MRO: variants seen among roughly 807,000 people sequenced by gnomAD.
The protein encoded by MRO is maestro.
A neutral mutation model predicts 31.0 loss-of-function variants in MRO; 28 were observed. The observed-to-expected ratio is 0.90, with a 90% CI of 0.67 to 1.24. The LOEUF (loss-of-function observed/expected upper bound fraction) is 1.24, where lower values mean the gene tolerates loss of function less well. MRO is among the 50% of genes most tolerant of loss of function. The pLI, the probability that MRO is intolerant of heterozygous loss-of-function variation, is 0.00. For missense variants in MRO, 332 were observed against 289.2 expected (o/e 1.15, Z -1.07); for synonymous variants, 108 against 108.4 (o/e 1.00, Z 0.02).
rs948094714 is a variant in MRO, at chr18:50,819,642, C to T, written c.-66G>A. The stretch of plus-strand genomic sequence containing the variant: ...GGAGCCCGTTCCTGACTCGGGAGGG[C>T]TGCTTTCCCGGGTAGTAGCCAAATG... On this transcript the variant is annotated 5_prime_UTR_variant, in exon 2 of 8. Transcript: ENST00000398439. 3 of 1,551,458 alleles carry T rather than the reference C, an allele frequency of 1.9e-6. No homozygotes were observed. The highest frequency in any genetic ancestry group is 2.6e-6 in the Non-Finnish European group (3 of 1,146,942).
chr18:50,823,497 G>A (rs1057431244), upstream of MRO: 1 of 152,122 alleles, frequency 6.6e-6, no homozygotes, highest in Non-Finnish European at 1.5e-5. Flanking sequence ...TTTGTTACTT[G>A]ATAGTTATTG....
chr18:50,798,766 C>G lies in MRO; in HGVS notation c.*571G>C, dbSNP rs2847538. ...TTTCTCTCTATTAATTCTTGTTTAG[C>G]ATGATCTTGAAAGCAATGACTGTTT... On this transcript the variant is annotated 3_prime_UTR_variant, in exon 8 of 8. Coordinates refer to ENST00000398439, the MANE Select transcript of MRO (RefSeq NM_031939.6). The G allele has an allele frequency of 0.99, 151,256 of 152,390 alleles. 75,072 individuals are homozygous for G. The highest frequency in any genetic ancestry group is 1 in the Middle Eastern group (294 of 294). 9.4% of individuals were successfully genotyped at this position (152,390 alleles called of 1,614,324 possible).
At chr18:50,819,740 G>A (rs1055243406) in intron 1 of MRO, 38 bp from the exon 2 acceptor site, 2 of 1,547,998 alleles carry the variant, frequency 1.3e-6, no homozygotes, top group Non-Finnish European at 1.7e-6. Flanking sequence ...GTGACGCAGG[G>A]TCTGTCCAGG....
intron 7 of MRO, 45 bp from the exon 8 acceptor site, chr18:50,799,435 A>G: frequency 1.9e-6 from 3 of 1,541,342 alleles, no homozygotes; most frequent in Non-Finnish European, 2.7e-6. Context: ...GGATTCAACA[A>G]ACTTCCTTGA....
rs1325724044 is a variant in MRO at position 50,795,892 on chromosome 18, A to G, written c.*3445T>C. 6.6e-6 allele frequency: 1 copy of G among 152,286 alleles called. No individual in the cohort carries two copies. Among genetic ancestry groups the G allele is most frequent in the African/African-American group, 2.4e-5 (1 of 41,430 alleles). 9.4% of individuals were successfully genotyped at this position (152,286 alleles called of 1,614,324 possible). A position where few individuals can be genotyped will look rare whatever the true frequency, so the allele number is the denominator to read the frequency against. On this transcript the variant is annotated 3_prime_UTR_variant, in exon 8 of 8. Transcript: ENST00000398439. ...GAGGTGGAGGTTGCAGTGAGCCGAG[A>G]TCGTGTCATTGCACTCCAGCCTGGG... is the stretch of plus-strand genomic sequence containing the variant.
rs375774066 is a variant in MRO at position 50,805,138 on chromosome 18, T to G, written c.429+16A>C. On this transcript the variant is annotated intron_variant, in intron 5 of 7. Coordinates refer to ENST00000398439, the MANE Select transcript of MRO (RefSeq NM_031939.6). ...ATTTTGATTTCAATAACCCAGAATT[T>G]TTCTGATTTACTTACGTCATCTAAT... The G allele has an allele frequency of 1.2e-5, 20 of 1,602,264 alleles. No individual in the cohort carries two copies. The African/African-American group carries it at 2.5e-4, about 20-fold the overall frequency.
In MRO at chr18:50,805,164, A is replaced by G. The variant is rs751997608; in HGVS notation, c.419T>C (p.Leu140Ser). Residue 140 changes from leucine to serine, a missense_variant, in exon 5 of 8, where the codon TTA becomes TCA. Physicochemically the swap from Leu to Ser is moderately radical, Grantham distance 145. Transcript: ENST00000398439. ...TTCTGATTTACTTACGTCATCTAAT[A>G]AAGTCCTGGTCTGAAGGGTGATATC... is the stretch of plus-strand genomic sequence containing the variant. ...FIDITLQTRT[L>S]LDDENDSLRY... 1.9e-5 allele frequency: 31 copies of G among 1,611,212 alleles called. No individual in the cohort carries two copies. Among genetic ancestry groups the G allele is most frequent in the Non-Finnish European group, 2.5e-5 (30 of 1,177,904 alleles).
At chr18:50,806,530 C>T (rs1039882140) in intron 4 of MRO, among the ~76,000 whole-genome samples, 174 bp downstream of exon 4, 1 of 152,146 alleles carries the variant, frequency 6.6e-6, no homozygotes, top group African/African-American at 2.4e-5. Flanking sequence ...TCCTGACCCG[C>T]GAAAACCCGA....
chr18:50,800,260 A>G, intron 6 of MRO, 117 bp from the exon 7 acceptor site: 1 of 663,794 alleles, frequency 1.5e-6, no homozygotes, highest in Non-Finnish European at 2.5e-6. Context: ...AAAGTGTGAA[A>G]GTAACTTCCA....
upstream of MRO, among the ~76,000 whole-genome samples, chr18:50,824,840 C>T (rs1375947759): frequency 3.3e-5 from 5 of 150,206 alleles, no homozygotes; most frequent in Admixed American, 2.0e-4. Flanking sequence ...TTTGGGAGGC[C>T]GAGACGGGAG....
chr18:50,810,571 T>C (rs1442723630), intron 2 of MRO, among the ~76,000 whole-genome samples: 1 of 152,224 alleles, frequency 6.6e-6, no homozygotes, highest in Non-Finnish European at 1.5e-5. Context: ...TTTTTCACCT[T>C]TTTTGTATAT....
At chr18:50,811,886 C>T (rs986363132) in intron 2 of MRO, among the ~76,000 whole-genome samples, 5 of 150,962 alleles carry the variant, frequency 3.3e-5, no homozygotes, top group East Asian at 2.0e-4. Context: ...GGATTACAGG[C>T]GTACGCCACC....
intron 2 of MRO, chr18:50,815,372 G>C: frequency 3.9e-6 from 1 of 258,632 alleles, no homozygotes; most frequent in Non-Finnish European, 7.9e-6. Context: ...GGTGGTGAAG[G>C]TGATGGTAGC....
chr18:50,821,313 C>T (rs1467762715), upstream of MRO, among the ~76,000 whole-genome samples: 1 of 152,172 alleles, frequency 6.6e-6, no homozygotes, highest in East Asian at 1.9e-4. Flanking sequence ...AGATGGCTGC[C>T]TCTGCCTGCA....
At chr18:50,824,699 C>G (rs1915443873), upstream of MRO, among the ~76,000 whole-genome samples, 1 of 149,814 alleles carries the variant, frequency 6.7e-6, no homozygotes, top group Non-Finnish European at 1.5e-5. Context: ...TGTGATCCGC[C>G]CACCTCGGCC....
rs1270008636 is a variant in MRO at position 50,819,572 on chromosome 18, G to A, written c.-5+9C>T. On this transcript the variant is annotated intron_variant, in intron 2 of 7. Transcript: ENST00000398439. ...GCATCTGGCTGCCCCGGCCAACAGT[G>A]TCCCTTACCTGCGGCTCCTGCAGGC... The A allele has an allele frequency of 3.2e-6, 5 of 1,551,596 alleles. No homozygotes were observed. In the South Asian group the frequency reaches 5.9e-5, roughly 18 times the overall value.
At chr18:50,820,291 G>T (rs541266190), upstream of MRO, among the ~76,000 whole-genome samples, 62 of 152,260 alleles carry the variant, frequency 4.1e-4, no homozygotes, top group African/African-American at 1.5e-3. Flanking sequence ...AAGAAACACC[G>T]TATGTCCCGA....
chr18:50,801,435 A>C lies in MRO; in HGVS notation c.499T>G (p.Trp167Gly), dbSNP rs376194421. ...ACCTGACTGGTGAAAAATTTTTTCCATTTCCTCCCGGCAAAGGCAGCCAAT... is the reference window on the plus strand; with the variant it reads ...ACCTGACTGGTGAAAAATTTTTTCCCTTTCCTCCCGGCAAAGGCAGCCAAT... ...GQLAAFAGRKWKKFFTSQVKQ... is the reference protein window; with the variant it reads ...GQLAAFAGRKGKKFFTSQVKQ... Residue 167 changes from tryptophan to glycine, a missense_variant, in exon 6 of 8, where the codon TGG becomes GGG. By Grantham distance (184) the Trp-to-Gly change is radical (BLOSUM62 -2). Transcript: ENST00000398439. 1 of 1,612,380 alleles carries C rather than the reference A, an allele frequency of 6.2e-7. No homozygotes were observed. Among genetic ancestry groups the C allele is most frequent in the East Asian group, 2.2e-5 (1 of 44,846 alleles).
chr18:50,805,072 T>G, intron 5 of MRO, 82 bp downstream of exon 5: 12 of 1,218,002 alleles, frequency 9.9e-6, no homozygotes, highest in Admixed American at 1.8e-5. Context: ...ATTACAGGCA[T>G]GAGCCACCGC....
Sources: gnomAD v4.1 joint callset for allele counts (sites outside exome capture counted in the v4.1 genomes callset) on GRCh38, gnomAD v4.1.1 for gene constraint, MANE v1.5 for transcripts, NCBI Gene and HGNC (gene_info 2026-07-23, HGNC 2026-07-21) for gene names.